SUCLG2: variants seen among roughly 807,000 people sequenced by gnomAD.
SUCLG2 encodes succinate-CoA ligase GDP-forming subunit beta, also known as succinate--CoA ligase [GDP-forming] subunit beta, mitochondrial.
In SUCLG2, 42 loss-of-function variants were observed where a neutral mutation model predicts 47.9. The observed-to-expected ratio is 0.88, with a 90% confidence interval of 0.69 to 1.14. SUCLG2 has a LOEUF of 1.14. Among genes scored for constraint, SUCLG2 ranks in the 50% most tolerant of loss-of-function variants. SUCLG2 has a pLI of 0.00. For synonymous variants in SUCLG2, 195 were observed against 197.3 expected, an observed-to-expected ratio of 0.99 and a Z score of 0.10; for missense variants, 571 against 525.9, an observed-to-expected ratio of 1.09 and a Z score of -0.84.
At chr3:67,566,747 T>C (rs1707462079) in intron 2 of SUCLG2, among the ~76,000 whole-genome samples, 1 of 152,222 alleles carries the variant, frequency 6.6e-6, no homozygotes, top group Non-Finnish European at 1.5e-5. Flanking sequence ...TGTTTCTCTC[T>C]GTGGTGAATA....
At chr3:67,450,779 C>T (rs1284931851) in intron 9 of SUCLG2, among the ~76,000 whole-genome samples, 1 of 152,202 alleles carries the variant, frequency 6.6e-6, no homozygotes, top group African/African-American at 2.4e-5. Context: ...ATTTCCCAGG[C>T]CTTGGCCCAT....
chr3:67,436,982 T>C (rs555864275), intron 9 of SUCLG2, among the ~76,000 whole-genome samples: 1 of 152,268 alleles, frequency 6.6e-6, no homozygotes, highest in African/African-American at 2.4e-5. Context: ...TAAAATAATA[T>C]ATGATCAAGA....
intron 9 of SUCLG2, among the ~76,000 whole-genome samples, chr3:67,453,748 G>A (rs182503795): frequency 3.1e-4 from 47 of 152,224 alleles, no homozygotes; most frequent in Non-Finnish European, 2.1e-4. Context: ...TTAATAGAGG[G>A]GCCACATCAA....
intron 9 of SUCLG2, among the ~76,000 whole-genome samples, chr3:67,440,200 T>G (rs1037441220): frequency 2.6e-5 from 4 of 152,132 alleles, no homozygotes. Context: ...GAAGCTGGAC[T>G]CCTTCCTTAC....
At chr3:67,574,004 C>G (rs1707684454) in intron 2 of SUCLG2, among the ~76,000 whole-genome samples, 1 of 152,178 alleles carries the variant, frequency 6.6e-6, no homozygotes, top group East Asian at 1.9e-4. Context: ...GCTTGTAGTA[C>G]TAAGATCCCT....
intron 9 of SUCLG2, among the ~76,000 whole-genome samples, chr3:67,428,448 C>T (rs1703366016): frequency 6.6e-6 from 1 of 152,114 alleles, no homozygotes; most frequent in South Asian, 2.1e-4. Flanking sequence ...CTGTGCGTCA[C>T]CATCATCAAA....
intron 9 of SUCLG2, among the ~76,000 whole-genome samples, chr3:67,428,535 C>T (rs571634544): frequency 1.3e-5 from 2 of 152,320 alleles, no homozygotes; most frequent in East Asian, 1.9e-4. Context: ...ATCAGAGCAT[C>T]TCTTTCCCTC....
intron 2 of SUCLG2, among the ~76,000 whole-genome samples, chr3:67,600,323 G>C (rs1708390767): frequency 6.6e-6 from 1 of 152,142 alleles, no homozygotes; most frequent in South Asian, 2.1e-4. Context: ...CAAAACACTG[G>C]CTCAGTTCAA....
At chr3:67,504,094 T>C (rs1234960583) in intron 7 of SUCLG2, among the ~76,000 whole-genome samples, 1 of 152,220 alleles carries the variant, frequency 6.6e-6, no homozygotes, top group Non-Finnish European at 1.5e-5. Flanking sequence ...TAAATAACCA[T>C]AATGTACTAT....
At chr3:67,474,567 T>G (rs1354023170) in intron 9 of SUCLG2, among the ~76,000 whole-genome samples, 1 of 152,238 alleles carries the variant, frequency 6.6e-6, no homozygotes, top group East Asian at 1.9e-4. Context: ...ATTATGATAT[T>G]GCTTTCTTTC....
At chr3:67,563,259 C>T (rs1170716386) in intron 2 of SUCLG2, among the ~76,000 whole-genome samples, 2 of 152,058 alleles carry the variant, frequency 1.3e-5, no homozygotes, top group Non-Finnish European at 2.9e-5. Flanking sequence ...GGGATTCTAA[C>T]TGCTGTGAAC....
chr3:67,597,453 A>G (rs987629709), intron 2 of SUCLG2, among the ~76,000 whole-genome samples: 4 of 152,098 alleles, frequency 2.6e-5, no homozygotes, highest in African/African-American at 9.7e-5. Context: ...TATGGAATTC[A>G]CACTACAGTC....
At chr3:67,443,968 G>T (rs1400765627) in intron 9 of SUCLG2, among the ~76,000 whole-genome samples, 1 of 112,078 alleles carries the variant, frequency 8.9e-6, no homozygotes, top group African/African-American at 3.0e-5. Context: ...GTGGGGGGGG[G>T]TCAGCCCCCC....
intron 9 of SUCLG2, chr3:67,408,566 A>T: frequency 2.1e-6 from 2 of 954,928 alleles, no homozygotes; most frequent in Non-Finnish European, 2.5e-6. Context: ...TCAAGTTTCC[A>T]TTCAGGTTGA....
rs1054020095 is a variant in SUCLG2 at position 67,556,189 on chromosome 3, G to A, written c.227-27003C>T. Among the ~76,000 whole-genome samples, 3 of 152,190 alleles carry A rather than the reference G, an allele frequency of 2.0e-5. No homozygotes were observed. In the East Asian group the frequency reaches 5.8e-4, roughly 29 times the overall value. ...GACATGATAACTAAATGTGACATGT[G>A]TTCCTGACTGAAATCCTGGGTCAGA... On this transcript the variant is annotated intron_variant, in intron 2 of 10. Coordinates refer to ENST00000307227, the MANE Select transcript of SUCLG2 (RefSeq NM_003848.4).
At chr3:67,472,067 GA>G (rs200690971) in intron 9 of SUCLG2, among the ~76,000 whole-genome samples, 16 of 150,660 alleles carry the variant, frequency 1.1e-4, no homozygotes, top group Non-Finnish European at 1.9e-4. Context: ...TAAAATCACT[GA>G]AAAAAAAATC....
intron 1 of SUCLG2, among the ~76,000 whole-genome samples, chr3:67,624,039 A>C (rs1265387982): frequency 1.5e-4 from 23 of 152,238 alleles, no homozygotes; most frequent in Non-Finnish European, 2.8e-4. Context: ...CAATAAATCC[A>C]GATGAAAGCT....
intron 10 of SUCLG2, among the ~76,000 whole-genome samples, chr3:67,380,086 A>C (rs920852337): frequency 6.6e-6 from 1 of 151,924 alleles, no homozygotes; most frequent in African/African-American, 2.4e-5. Context: ...TTTTTGATAG[A>C]TCTCCTTGCT....
chr3:67,590,671 T>C (rs1460042214), intron 2 of SUCLG2, among the ~76,000 whole-genome samples: 3 of 152,246 alleles, frequency 2.0e-5, no homozygotes, highest in South Asian at 2.1e-4. Context: ...GCTGATACCA[T>C]GCCTCTTGTA....
Sources: gnomAD v4.1 joint callset for allele counts (sites outside exome capture counted in the v4.1 genomes callset) on GRCh38, gnomAD v4.1.1 for gene constraint, MANE v1.5 for transcripts, NCBI Gene and HGNC (gene_info 2026-07-23, HGNC 2026-07-21) for gene names.